The following AKIP1 variants were observed in gnomAD, a reference collection of about 807,000 sequenced individuals.
The protein encoded by AKIP1 is A-kinase interacting protein 1, also known as A-kinase-interacting protein 1.
Under a neutral mutation model 22.3 loss-of-function variants are expected in AKIP1, and 18 were observed. That is an observed-to-expected ratio of 0.81 (90% CI 0.56 to 1.19). The LOEUF (loss-of-function observed/expected upper bound fraction) is 1.19. AKIP1 is among the 50% of genes most tolerant of loss of function. AKIP1 has a pLI of 0.00. For missense variants in AKIP1, 287 were observed against 264.6 expected (o/e 1.08, Z -0.59); for synonymous variants, 120 against 102.7 (o/e 1.17, Z -1.02).
At position 8,919,802 on chromosome 11, in the gene AKIP1, A is replaced by AT. The variant is rs1045417656; in HGVS notation, c.*330dup. On this transcript the variant is annotated 3_prime_UTR_variant, in exon 6 of 6. Transcript: ENST00000309377. Reference sequence around the variant, plus strand: ...CAGGCACCCGCCACCATGCCCGGCTATTTTTTTTGTATTTTTAGTAGAGAC... The same window carrying AT: ...CAGGCACCCGCCACCATGCCCGGCTATTTTTTTTTGTATTTTTAGTAGAGAC... 25 of 209,984 alleles carry AT rather than the reference A, an allele frequency of 1.2e-4. No individual in the cohort carries two copies. The highest frequency in any genetic ancestry group is 2.1e-4 in the Admixed American group (4 of 18,740). The allele number at this position is 209,984 out of a possible 1,614,324, so 13.0% of individuals were successfully genotyped here.
chr11:8,917,327 G>A lies in AKIP1; in HGVS notation c.449G>A (p.Ser150Asn). The change falls in exon 5 of 6, where the codon AGC becomes AAC. Residue 150 changes from serine to asparagine, a missense_variant. Transcript: ENST00000309377. ...AAGACATCCCTTGGTCCTGGAGGCA[G>A]CTATCAAATATCAGAGCATGCTCCA... ...RKKTSLGPGG[S>N]YQISEHAPEA... 6.2e-7 allele frequency: 1 copy of A among 1,613,364 alleles called. No homozygotes were observed. Among genetic ancestry groups the A allele is most frequent in the Non-Finnish European group, 8.5e-7 (1 of 1,179,668 alleles).
chr11:8,913,220 A>C (rs1589921338), intron 3 of AKIP1, among the ~76,000 whole-genome samples: 5 of 116,884 alleles, frequency 4.3e-5, no homozygotes, highest in Non-Finnish European at 3.5e-5. Flanking sequence ...TCACTCCATC[A>C]CCCAGGCTGG....
At position 8,919,365 on chromosome 11, in the gene AKIP1, T is replaced by C. The variant is rs749405470; in HGVS notation, c.518T>C (p.Ile173Thr). Residue 173 changes from isoleucine to threonine, a missense_variant, in exon 6 of 6, where the codon ATA becomes ACA. By Grantham distance (89) the Ile-to-Thr change is moderately conservative. Transcript: ENST00000309377. ...GAGAACATCTCTAAGGACCTCTACATAGAAGTATATCCAGGGACCTATTCT... is the reference window on the plus strand; with the variant it reads ...GAGAACATCTCTAAGGACCTCTACACAGAAGTATATCCAGGGACCTATTCT... ...PAENISKDLY[I>T]EVYPGTYSVT... is the part of the protein sequence containing the mutation. 1.9e-6 allele frequency: 3 copies of C among 1,614,142 alleles called. No homozygotes were observed. In the South Asian group the frequency reaches 3.3e-5, roughly 18 times the overall value.
chr11:8,916,544 C>CT (rs1188460758), intron 4 of AKIP1, among the ~76,000 whole-genome samples: 4 of 152,180 alleles, frequency 2.6e-5, no homozygotes, highest in Admixed American at 2.0e-4. Flanking sequence ...ATTCCAGAGT[C>CT]TAAGTTGGAT....
intron 4 of AKIP1, 119 bp from the exon 5 acceptor site, chr11:8,917,168 A>T: frequency 1.3e-5 from 8 of 626,358 alleles, no homozygotes; most frequent in Non-Finnish European, 1.1e-5. Context: ...GACTTAGATG[A>T]CAACTTAGAA....
At chr11:8,917,466 G>C (rs758422948) in intron 5 of AKIP1, 99 bp downstream of exon 5, 24 of 916,880 alleles carry the variant, frequency 2.6e-5, no homozygotes, top group South Asian at 4.1e-5. Context: ...TGAGTCTATA[G>C]TATTTTTAAG....
At chr11:8,917,780 C>T (rs535742194) in intron 5 of AKIP1, 21 of 294,902 alleles carry the variant, frequency 7.1e-5, no homozygotes, top group African/African-American at 4.3e-4. Flanking sequence ...GATCAGGTTC[C>T]AAAACATTTG....
intron 3 of AKIP1, among the ~76,000 whole-genome samples, chr11:8,913,411 C>T (rs183249272): frequency 1.1e-4 from 17 of 151,824 alleles, no homozygotes; most frequent in East Asian, 2.0e-4. Flanking sequence ...TGCTCTGGAA[C>T]GCCTGACCTC....
Position 8,919,762 on chromosome 11 carries a change from G to C in AKIP1, c.*282G>C. 3.9e-6 allele frequency: 1 copy of C among 255,720 alleles called. No individual in the cohort carries two copies. The highest frequency in any genetic ancestry group is 7.5e-6 in the Non-Finnish European group (1 of 133,258). The allele number at this position is 255,720 out of a possible 1,614,324, so 15.8% of individuals were successfully genotyped here. On this transcript the variant is annotated 3_prime_UTR_variant, in exon 6 of 6. Coordinates refer to ENST00000309377, the MANE Select transcript of AKIP1 (RefSeq NM_020642.4). Reference sequence around the variant, plus strand: ...CACCATTCTCCTGCCTCAGCCTCCCGAGTAGCTGGCACTACAGGCACCCGC... The same window carrying C: ...CACCATTCTCCTGCCTCAGCCTCCCCAGTAGCTGGCACTACAGGCACCCGC...
intron 2 of AKIP1, 78 bp from the exon 3 acceptor site, chr11:8,912,375 G>C: frequency 8.6e-7 from 1 of 1,158,656 alleles, no homozygotes; most frequent in Admixed American, 1.7e-5. Flanking sequence ...AAGTAAAAAG[G>C]AGACTATTTC....
intron 4 of AKIP1, among the ~76,000 whole-genome samples, chr11:8,915,358 CTTTTTTTT>C (rs559350653): frequency 4.8e-5 from 4 of 83,984 alleles, no homozygotes; most frequent in African/African-American, 1.8e-4. Context: ...TTTTTTTTTT[CTTTTTTTT>C]TTTTTTTTTT....
At chr11:8,912,408 A>G in intron 2 of AKIP1, 45 bp from the exon 3 acceptor site, 1 of 1,522,846 alleles carries the variant, frequency 6.6e-7, no homozygotes, top group Non-Finnish European at 9.1e-7. Flanking sequence ...ATTCTCCAGT[A>G]GGGAATCCTA....
At chr11:8,916,436 G>C (rs1401070256) in intron 4 of AKIP1, among the ~76,000 whole-genome samples, 4 of 152,198 alleles carry the variant, frequency 2.6e-5, no homozygotes, top group African/African-American at 9.7e-5. Context: ...ATTCAAAGGA[G>C]GAGGTGGTGG....
In AKIP1 at chr11:8,914,862, A is replaced by G. The variant is rs1180637437; in HGVS notation, c.340A>G (p.Thr114Ala). The G allele has an allele frequency of 1.2e-6, 2 of 1,614,016 alleles. No homozygotes were observed. The highest frequency in any genetic ancestry group is 1.7e-4 in the Middle Eastern group (1 of 6,014). Residue 114 changes from threonine (T) to alanine (A), a missense_variant, in exon 4 of 6, where the codon ACC (threonine) becomes GCC (alanine). Coordinates refer to ENST00000309377, the MANE Select transcript of AKIP1 (RefSeq NM_020642.4). ...ATCTGTGCCAGAGGAAGGAGGGGCA[A>G]CCCATGTCTATCGTTATCACAGAGG... The part of the protein sequence containing the change: ...YSSVPEEGGA[T>A]HVYRYHRGES...
intron 3 of AKIP1, among the ~76,000 whole-genome samples, chr11:8,912,944 G>A (rs1269885804): frequency 1.5e-5 from 2 of 129,530 alleles, no homozygotes; most frequent in African/African-American, 5.8e-5. Context: ...GTGTGATCTC[G>A]GCTCACTGCA....
intron 5 of AKIP1, 147 bp from the exon 6 acceptor site, chr11:8,919,190 A>T (rs978184967): frequency 1.4e-6 from 1 of 707,038 alleles, no homozygotes; most frequent in African/African-American, 1.8e-5. Flanking sequence ...GTACGTGAGC[A>T]GGCTGAGCCT....
At chr11:8,915,441 G>A (rs1384649789) in intron 4 of AKIP1, among the ~76,000 whole-genome samples, 1 of 136,244 alleles carries the variant, frequency 7.3e-6, no homozygotes. Flanking sequence ...ATGGCTTACT[G>A]CAGCCTTGAC....
intron 3 of AKIP1, 33 bp downstream of exon 3, chr11:8,912,566 C>A: frequency 6.4e-7 from 1 of 1,567,638 alleles, no homozygotes; most frequent in Non-Finnish European, 8.8e-7. Flanking sequence ...TATGCCCCAT[C>A]ACCTGCTGAT....
Position 8,914,842 on chromosome 11 carries a change from T to G in AKIP1, c.320T>G (p.Val107Gly), listed in dbSNP as rs1328558601. 1 of 1,611,716 alleles carries G rather than the reference T, an allele frequency of 6.2e-7. No individual in the cohort carries two copies. The change falls in exon 4 of 6, where the codon GTG (valine) becomes GGG (glycine). Residue 107 changes from valine (V) to glycine (G), a missense_variant. Physicochemically the swap from Val to Gly is moderately radical, Grantham distance 109. Transcript: ENST00000309377. The part of the protein sequence containing the change: ...SSQCGKYYSS[V>G]PEEGGATHVY... ...CGTCTCTAGAAATATTATTCATCTG[T>G]GCCAGAGGAAGGAGGGGCAACCCAT...
Sources: gnomAD v4.1 joint callset for allele counts (sites outside exome capture counted in the v4.1 genomes callset) on GRCh38, gnomAD v4.1.1 for gene constraint, MANE v1.5 for transcripts, NCBI Gene and HGNC (gene_info 2026-07-23, HGNC 2026-07-21) for gene names.